SUGCT: variants seen among roughly 807,000 people sequenced by gnomAD.
The protein encoded by SUGCT is succinyl-CoA:glutarate-CoA transferase, also known as succinyl-CoA:glutarate CoA-transferase.
Under a neutral mutation model 55.0 loss-of-function variants are expected in SUGCT, and 41 were observed. The ratio of observed to expected loss-of-function variants is 0.74; its 90% CI spans 0.58 to 0.97. The LOEUF (loss-of-function observed/expected upper bound fraction) is 0.97, where lower values mean the gene tolerates loss of function less well. SUGCT is among the 50% of genes least tolerant of loss of function. The pLI is 0.00. For missense variants in SUGCT, 568 were observed against 547.8 expected (o/e 1.04, Z -0.37); for synonymous variants, 187 against 200.4 (o/e 0.93, Z 0.56).
chr7:40,566,978 A>G (rs1796192031), intron 12 of SUGCT, among the ~76,000 whole-genome samples: 1 of 152,248 alleles, frequency 6.6e-6, no homozygotes, highest in Non-Finnish European at 1.5e-5. Context: ...CAGGCAACTA[A>G]AAGCTTAAGA....
At chr7:40,504,888 T>C (rs1792502449) in intron 12 of SUGCT, among the ~76,000 whole-genome samples, 1 of 152,262 alleles carries the variant, frequency 6.6e-6, no homozygotes, top group Non-Finnish European at 1.5e-5. Flanking sequence ...TAGTATCCAC[T>C]GTTATGTATT....
rs189634362 is a variant in SUGCT, at chr7:40,156,727, A to G, written c.100+21607A>G. Among the ~76,000 whole-genome samples the G allele has an allele frequency of 9.3e-4, 142 of 152,276 alleles. 1 individual carries two copies. In the Middle Eastern group the frequency reaches 0.02, roughly 22 times the overall value. ...ATGTCAGGTATTAACCAGTGCTACAAATAGAAATTGTTGGTTAGTTTCACT... is the reference window on the plus strand; with the variant it reads ...ATGTCAGGTATTAACCAGTGCTACAGATAGAAATTGTTGGTTAGTTTCACT... On this transcript the variant is annotated intron_variant, in intron 1 of 13. Coordinates refer to ENST00000335693, the MANE Select transcript of SUGCT (RefSeq NM_001193313.2).
the SUGCT span, among the ~76,000 whole-genome samples, chr7:40,977,699 T>C: frequency 6.6e-6 from 1 of 152,210 alleles, no homozygotes; most frequent in South Asian, 2.1e-4. Context: ...TCAGAGGATA[T>C]AGAAATCAGA....
At chr7:40,838,631 T>TTTTGTTGG (rs1554432426) in intron 13 of SUGCT, among the ~76,000 whole-genome samples, 1 of 151,714 alleles carries the variant, frequency 6.6e-6, no homozygotes, top group East Asian at 2.0e-4. Flanking sequence ...ACATCTAGCG[T>TTTTGTTGG]TTTGTTTGTT....
At chr7:40,813,632 G>A (rs539813980) in intron 13 of SUGCT, among the ~76,000 whole-genome samples, 9 of 152,074 alleles carry the variant, frequency 5.9e-5, no homozygotes, top group Non-Finnish European at 8.8e-5. Context: ...TGTAAGATAG[G>A]TCTCTTGATG....
chr7:40,270,757 G>A (rs1240117868), intron 7 of SUGCT, among the ~76,000 whole-genome samples: 3 of 152,096 alleles, frequency 2.0e-5, no homozygotes, highest in Non-Finnish European at 4.4e-5. Context: ...TTGGTAGGTA[G>A]AATTGCCTTG....
At chr7:40,905,592 C>G in the SUGCT span, among the ~76,000 whole-genome samples, 3 of 152,082 alleles carry the variant, frequency 2.0e-5, no homozygotes, top group South Asian at 2.1e-4. Flanking sequence ...ATATCGGTCT[C>G]TCTCATTCAC....
chr7:40,610,145 T>C (rs1049205701), intron 12 of SUGCT, among the ~76,000 whole-genome samples: 2 of 152,308 alleles, frequency 1.3e-5, no homozygotes, highest in Non-Finnish European at 2.9e-5. Context: ...CTGGAGTGGC[T>C]TGGGGCCTAA....
At chr7:40,496,514 G>C in intron 12 of SUGCT, 128 bp downstream of exon 12, 1 of 697,772 alleles carries the variant, frequency 1.4e-6, no homozygotes, top group East Asian at 2.8e-5. Flanking sequence ...AAAATTGTTT[G>C]TGGGTCTGAG....
intron 8 of SUGCT, among the ~76,000 whole-genome samples, chr7:40,276,172 G>C (rs1792465675): frequency 2.0e-5 from 3 of 152,156 alleles, no homozygotes; most frequent in African/African-American, 7.2e-5. Context: ...TCGAGTCGTG[G>C]TCAGAATTTT....
intron 9 of SUGCT, among the ~76,000 whole-genome samples, chr7:40,353,480 T>C (rs1293478879): frequency 2.0e-5 from 3 of 152,294 alleles, no homozygotes; most frequent in Admixed American, 2.0e-4. Flanking sequence ...CAAAAACAAC[T>C]AAATCAGTTT....
chr7:40,280,370 G>A (rs1271956209), intron 8 of SUGCT, among the ~76,000 whole-genome samples: 1 of 152,188 alleles, frequency 6.6e-6, no homozygotes, highest in Non-Finnish European at 1.5e-5. Flanking sequence ...TAACAAGGAA[G>A]CGGGTTTGGA....
At chr7:40,687,727 T>G (rs1784527734) in intron 12 of SUGCT, among the ~76,000 whole-genome samples, 1 of 152,186 alleles carries the variant, frequency 6.6e-6, no homozygotes, top group African/African-American at 2.4e-5. Flanking sequence ...CAGTAATCTC[T>G]AGATGAGAAG....
At chr7:40,970,009 A>G in the SUGCT span, among the ~76,000 whole-genome samples, 1 of 152,346 alleles carries the variant, frequency 6.6e-6, no homozygotes, top group East Asian at 1.9e-4. Context: ...TGTCTAAAGC[A>G]ACATTCTTTG....
At chr7:40,151,260 TAAAG>T (rs957102035) in intron 1 of SUGCT, among the ~76,000 whole-genome samples, 15 of 151,898 alleles carry the variant, frequency 9.9e-5, no homozygotes, top group African/African-American at 3.1e-4. Flanking sequence ...CAAAACAAAA[TAAAG>T]AAACAAAGTT....
intron 13 of SUGCT, among the ~76,000 whole-genome samples, chr7:40,859,277 G>A (rs1186350366): frequency 1.3e-5 from 2 of 152,220 alleles, no homozygotes; most frequent in African/African-American, 4.8e-5. Context: ...GTGGAAGAGT[G>A]AGAAGTCAGA....
intron 8 of SUGCT, among the ~76,000 whole-genome samples, chr7:40,287,822 C>T (rs112624522): frequency 4.6e-5 from 7 of 152,102 alleles, no homozygotes; most frequent in Admixed American, 6.6e-5. Flanking sequence ...TTTAACAGGT[C>T]GAGGAAGTTC....
chr7:40,932,683 C>T, the SUGCT span, among the ~76,000 whole-genome samples: 1 of 151,424 alleles, frequency 6.6e-6, no homozygotes, highest in African/African-American at 2.4e-5. Flanking sequence ...ATGTAATGGC[C>T]TTCTTTGTCT....
the SUGCT span, among the ~76,000 whole-genome samples, chr7:40,953,053 AC>A: frequency 6.6e-6 from 1 of 152,176 alleles, no homozygotes; most frequent in East Asian, 1.9e-4. Context: ...GTGTTTTCCA[AC>A]TTGGTTCCAT....
Sources: gnomAD v4.1 joint callset for allele counts (sites outside exome capture counted in the v4.1 genomes callset) on GRCh38, gnomAD v4.1.1 for gene constraint, MANE v1.5 for transcripts, NCBI Gene and HGNC (gene_info 2026-07-23, HGNC 2026-07-21) for gene names.